The following NID2 variants were observed in gnomAD, a reference collection of about 807,000 sequenced individuals.
NID2 encodes nidogen 2.
In NID2, 83 loss-of-function variants were observed where a neutral mutation model predicts 145.4. That is an observed-to-expected ratio of 0.57 (90% CI 0.48 to 0.69). NID2 has a LOEUF of 0.69. Among genes scored for constraint, NID2 ranks in the 30% least tolerant of loss-of-function variants. NID2 has a pLI of 0.00. For missense variants in NID2, 1,807 were observed against 1,765.7 expected, an observed-to-expected ratio of 1.02 and a Z score of -0.42; for synonymous variants, 739 against 701.3, an observed-to-expected ratio of 1.05 and a Z score of -0.85.
In NID2 at chr14:52,015,073, C is replaced by T; in HGVS notation, c.3231G>A (p.Gln1077=). The change falls in exon 15 of 22, where the codon CAG becomes CAA. Residue 1077 remains glutamine, a synonymous_variant. Coordinates refer to ENST00000216286, the MANE Select transcript of NID2 (RefSeq NM_007361.4). The part of the protein sequence containing the change: ...DGREVQGTRS[Q]PGTTPACIPT... ...GCTTACACGCAGGGGTGGTGCCTGG[C>T]TGGGAGCGGGTGCCCTGCACCTCTC... The T allele has an allele frequency of 6.2e-7, 1 of 1,613,764 alleles. No homozygotes were observed. Among genetic ancestry groups the T allele is most frequent in the Non-Finnish European group, 8.5e-7 (1 of 1,179,852 alleles).
chr14:52,015,296 G>A (rs376247588), intron 14 of NID2, 21 bp from the exon 15 acceptor site: 2 of 1,587,898 alleles, frequency 1.3e-6, no homozygotes, highest in South Asian at 2.2e-5. Context: ...GGGGAAGAGG[G>A]AAGAAGAAAA....
rs1241597775 is a variant in NID2 at position 52,067,922 on chromosome 14, A to C, written c.470T>G (p.Leu157Arg). ...SARFTPTHAF[L>R]ATWEQVGAYE... The stretch of plus-strand genomic sequence containing the variant: ...AGCGCCTACCTGCTCCCAGGTGGCC[A>C]GGAAGGCGTGGGTGGGGGTAAAGCG... Residue 157 changes from leucine to arginine, a missense_variant, in exon 2 of 22, where the codon CTG becomes CGG. Physicochemically the swap from Leu to Arg is moderately radical, Grantham distance 102. Transcript: ENST00000216286. 2 of 1,612,804 alleles carry C rather than the reference A, an allele frequency of 1.2e-6. No individual in the cohort carries two copies. Among genetic ancestry groups the C allele is most frequent in the Non-Finnish European group, 8.5e-7 (1 of 1,179,778 alleles).
intron 9 of NID2, among the ~76,000 whole-genome samples, chr14:52,033,717 C>CT (rs1433528721): frequency 6.6e-6 from 1 of 152,034 alleles, no homozygotes; most frequent in African/African-American, 2.4e-5. Context: ...TTTTGTTTTT[C>CT]TTTTTTTCCC....
At position 52,053,438 on chromosome 14, in the gene NID2, G is replaced by A. The variant is rs527451035; in HGVS notation, c.1429+141C>T. On this transcript the variant is annotated intron_variant, in intron 5 of 21. Transcript: ENST00000216286. ...GCAAAGGAAATTTACTCTATCTCTTGAAACACAGGGATTAAAAATTAGATC... is the reference window on the plus strand; with the variant it reads ...GCAAAGGAAATTTACTCTATCTCTTAAAACACAGGGATTAAAAATTAGATC... The A allele has an allele frequency of 3.2e-6, 3 of 934,834 alleles. No individual in the cohort carries two copies. In the South Asian group the frequency reaches 5.1e-5, roughly 16 times the overall value. The allele number at this position is 934,834 out of a possible 1,614,324, so 57.9% of individuals were successfully genotyped here.
intron 12 of NID2, among the ~76,000 whole-genome samples, chr14:52,023,000 A>G (rs2645730): frequency 0.98 from 149,251 of 152,320 alleles, 73,173 homozygotes; most frequent in Non-Finnish European, 1. Flanking sequence ...GTACCCCTGT[A>G]TGGCATGTGG....
intron 14 of NID2, among the ~76,000 whole-genome samples, chr14:52,018,370 G>A (rs1891288559): frequency 6.6e-6 from 1 of 152,138 alleles, no homozygotes; most frequent in South Asian, 2.1e-4. Context: ...ATTCAACAAG[G>A]AACAGAAAGT....
chr14:52,049,399 G>A (rs960101460), intron 5 of NID2, among the ~76,000 whole-genome samples: 9 of 152,130 alleles, frequency 5.9e-5, no homozygotes, highest in African/African-American at 2.2e-4. Flanking sequence ...TTAAGCACCT[G>A]TCTGCAGCCC....
At chr14:52,066,334 AT>A (rs1283354584) in intron 2 of NID2, among the ~76,000 whole-genome samples, 1 of 151,830 alleles carries the variant, frequency 6.6e-6, no homozygotes, top group African/African-American at 2.4e-5. Flanking sequence ...AAAAAAAAAA[AT>A]AGAAGGAATG....
At chr14:52,028,282 TTTG>T (rs1324531074) in intron 11 of NID2, among the ~76,000 whole-genome samples, 26 of 42,658 alleles carry the variant, frequency 6.1e-4, no homozygotes, top group Admixed American at 1.5e-3. Context: ...TGTTTTTTTT[TTTG>T]TTTTTTTGAG....
rs761771353 is a variant in NID2, at chr14:52,019,017, C to T, written c.3028+44G>A. The stretch of plus-strand genomic sequence containing the variant: ...CTGGGCAGGAATTATGATCTACCTA[C>T]CACCAGTGCCATTCTGCTTCTTGAG... On this transcript the variant is annotated intron_variant, in intron 14 of 21. Coordinates refer to ENST00000216286, the MANE Select transcript of NID2 (RefSeq NM_007361.4). The T allele has an allele frequency of 3.4e-6, 5 of 1,490,004 alleles. No individual in the cohort carries two copies. The Admixed American group carries it at 7.0e-5, about 21-fold the overall frequency. 92.3% of individuals were successfully genotyped at this position (1,490,004 alleles called of 1,614,324 possible). A position where few individuals can be genotyped will look rare whatever the true frequency, so the allele number is the denominator to read the frequency against.
chr14:52,005,791 CT>C lies in NID2; in HGVS notation c.4062del (p.Glu1355AsnfsTer9), dbSNP rs747936318. 3.7e-6 allele frequency: 6 copies of C among 1,613,766 alleles called. No homozygotes were observed. In the African/African-American group the frequency reaches 6.7e-5, roughly 18 times the overall value. ...HSGQFTDEYL[P>X]EQRSHLYGIT... ...ATCCCGTAGAGGTGAGATCGTTGTT[CT>C]GGGAGATACTCATCAGTAAACTGGC... is the stretch of plus-strand genomic sequence containing the variant. On this transcript the variant is annotated frameshift_variant, in exon 21 of 22. Transcript: ENST00000216286. LOFTEE classifies it high-confidence loss of function.
In NID2 at chr14:52,021,529, C is replaced by T. The variant is rs557308859; in HGVS notation, c.2675-1351G>A. 8.1e-4 allele frequency among the ~76,000 whole-genome samples: 124 copies of T among 152,272 alleles called. 1 individual carries two copies. The highest frequency in any genetic ancestry group is 1.3e-3 in the Non-Finnish European group (90 of 68,014). On this transcript the variant is annotated intron_variant, in intron 12 of 21. Transcript: ENST00000216286. ...TTAAGTACACACACTGGGCATTAAG[C>T]GTAGGTGTTCTGTTCCCTAGAGAGG...
chr14:52,053,486 TTCACCTACCCACTTAAGAGAAAAA>T (rs1892742465), intron 5 of NID2, 69 bp downstream of exon 5: 3 of 1,371,650 alleles, frequency 2.2e-6, no homozygotes, highest in Non-Finnish European at 3.0e-6. Context: ...TGCTAAACTT[TTCACCTACCCACTTAAGAGAAAAA>T]TCACAACGCT....
Position 52,053,611 on chromosome 14 carries a change from C to T in NID2, c.1397G>A (p.Gly466Glu). ...GTTGGAACCTATGTTGTCTTCCAGTCCCACCTCATACGTCCCTCGACTTAA... is the reference window on the plus strand; with the variant it reads ...GTTGGAACCTATGTTGTCTTCCAGTTCCACCTCATACGTCCCTCGACTTAA... Reference protein sequence around the residue: ...TPLSRGTYEVGLEDNIGSNTE... With the variant: ...TPLSRGTYEVELEDNIGSNTE... Residue 466 changes from glycine (G) to glutamate (E), a missense_variant, in exon 5 of 22, where the codon GGA becomes GAA. By Grantham distance (98) the Gly-to-Glu change is moderately conservative (BLOSUM62 -2). Coordinates refer to ENST00000216286, the MANE Select transcript of NID2 (RefSeq NM_007361.4). The T allele has an allele frequency of 6.2e-7, 1 of 1,614,114 alleles. No individual in the cohort carries two copies. Among genetic ancestry groups the T allele is most frequent in the Non-Finnish European group, 8.5e-7 (1 of 1,179,996 alleles).
intron 9 of NID2, among the ~76,000 whole-genome samples, 165 bp from the exon 10 acceptor site, chr14:52,029,855 C>T (rs1420116868): frequency 6.6e-6 from 1 of 152,276 alleles, no homozygotes; most frequent in African/African-American, 2.4e-5. Flanking sequence ...TTCTGCACTT[C>T]AGTTTTAAAC....
At chr14:52,033,677 G>T (rs1031931665) in intron 9 of NID2, among the ~76,000 whole-genome samples, 1 of 152,198 alleles carries the variant, frequency 6.6e-6, no homozygotes, top group African/African-American at 2.4e-5. Context: ...TGTACCAAGA[G>T]GGGAAAGAAA....
chr14:52,042,458 G>T, intron 6 of NID2, 108 bp from the exon 7 acceptor site: 1 of 1,357,088 alleles, frequency 7.4e-7, no homozygotes. Flanking sequence ...TCTTTAGCAA[G>T]TCACTTTAAT....
chr14:52,064,855 C>A (rs1874568), intron 2 of NID2, among the ~76,000 whole-genome samples: 1 of 152,152 alleles, frequency 6.6e-6, no homozygotes, highest in South Asian at 2.1e-4. Context: ...ATAAACAAAA[C>A]ATTCCCCACA....
At chr14:52,017,346 G>C (rs750983194) in intron 14 of NID2, among the ~76,000 whole-genome samples, 2 of 152,072 alleles carry the variant, frequency 1.3e-5, no homozygotes, top group Non-Finnish European at 2.9e-5. Context: ...TAAGTATTTT[G>C]AAATTGTGGG....
Sources: gnomAD v4.1 joint callset for allele counts (sites outside exome capture counted in the v4.1 genomes callset) on GRCh38, gnomAD v4.1.1 for gene constraint, MANE v1.5 for transcripts, NCBI Gene and HGNC (gene_info 2026-07-23, HGNC 2026-07-21) for gene names.